The following UTP11 variants were observed in gnomAD, a reference collection of about 807,000 sequenced individuals.
The protein encoded by UTP11 is UTP11 small subunit processome component, also known as probable U3 small nucleolar RNA-associated protein 11.
Under a neutral mutation model 39.0 loss-of-function variants are expected in UTP11, and 29 were observed. The observed-to-expected ratio is 0.74, with a 90% CI of 0.55 to 1.01. The LOEUF (loss-of-function observed/expected upper bound fraction) is 1.01, where lower values mean the gene tolerates loss of function less well. Ranked by LOEUF, UTP11 falls within the 50% of genes least tolerant of loss-of-function variation. The pLI, the probability that UTP11 is intolerant of heterozygous loss-of-function variation, is 0.00. For missense variants in UTP11, 281 were observed against 306.0 expected (o/e 0.92, Z 0.61); for synonymous variants, 111 against 105.0 (o/e 1.06, Z -0.35).
At chr1:38,022,851 CCTTTT>C (rs1646746497) in intron 7 of UTP11, 42 bp downstream of exon 7, 1 of 1,356,070 alleles carries the variant, frequency 7.4e-7, no homozygotes, top group East Asian at 2.4e-5. Context: ...TTTTTTTCCC[CCTTTT>C]CTTTCTTGTA....
In UTP11 at chr1:38,019,399, G is replaced by A. The variant is rs769454669; in HGVS notation, c.567+16G>A. The A allele has an allele frequency of 6.3e-7, 1 of 1,584,200 alleles. No homozygotes were observed. The highest frequency in any genetic ancestry group is 1.7e-5 in the Admixed American group (1 of 58,146). On this transcript the variant is annotated intron_variant, in intron 6 of 7. Transcript: ENST00000373014. Reference sequence around the variant, plus strand: ...TGGACTTAAGGTAATTTTCTCTGTTGTTCTTCACATGTGAGCTTAGGGGAA... The same window carrying A: ...TGGACTTAAGGTAATTTTCTCTGTTATTCTTCACATGTGAGCTTAGGGGAA...
intron 6 of UTP11, among the ~76,000 whole-genome samples, chr1:38,020,253 C>T (rs34125280): frequency 1.3e-5 from 2 of 151,972 alleles, no homozygotes; most frequent in Non-Finnish European, 2.9e-5. Flanking sequence ...AGGTGTGTGC[C>T]ACCATGCCTA....
At chr1:38,014,022 T>C (rs1294580832) in intron 1 of UTP11, among the ~76,000 whole-genome samples, 3 of 152,238 alleles carry the variant, frequency 2.0e-5, no homozygotes, top group Non-Finnish European at 4.4e-5. Context: ...GCCAAAACTA[T>C]CACCTTTTGA....
At position 38,018,475 on chromosome 1, in the gene UTP11, T is replaced by C. The variant is rs896911676; in HGVS notation, c.240T>C (p.His80=). 1 of 1,609,956 alleles carries C rather than the reference T, an allele frequency of 6.2e-7. No homozygotes were observed. The highest frequency in any genetic ancestry group is 2.2e-5 in the East Asian group (1 of 44,832). The change falls in exon 4 of 8, where the codon CAT becomes CAC. Residue 80 remains histidine (H), a synonymous_variant. Coordinates refer to ENST00000373014, the MANE Select transcript of UTP11 (RefSeq NM_016037.4). ...AATTTGGATTTTAGGATGGAGTACA[T>C]ATTATTAAGGAGACTAAGGAAGAAG... ...MTRVKLQDGV[H]IIKETKEEVT...
At chr1:38,014,936 T>C (rs1307312220) in intron 1 of UTP11, among the ~76,000 whole-genome samples, 1 of 152,218 alleles carries the variant, frequency 6.6e-6, no homozygotes, top group African/African-American at 2.4e-5. Context: ...GAGCCTGGCC[T>C]TAAATAGTTA....
At chr1:38,015,003 C>G (rs1016531769) in intron 1 of UTP11, among the ~76,000 whole-genome samples, 1 of 151,904 alleles carries the variant, frequency 6.6e-6, no homozygotes, top group African/African-American at 2.4e-5. Context: ...AAAATCCTAC[C>G]CAAATTATTA....
At chr1:38,016,446 C>G in intron 2 of UTP11, 26 bp downstream of exon 2, 2 of 1,612,910 alleles carry the variant, frequency 1.2e-6, no homozygotes, top group Non-Finnish European at 1.7e-6. Context: ...CTGGTAGAGG[C>G]GCTGCCAAGA....
At chr1:38,016,216 G>A (rs1646706231) in intron 1 of UTP11, 143 bp from the exon 2 acceptor site, 1 of 782,242 alleles carries the variant, frequency 1.3e-6, no homozygotes, top group Admixed American at 2.2e-5. Context: ...GTGGGGAGGG[G>A]AGGGAACAGG....
In UTP11 at chr1:38,023,592, A is replaced by G; in HGVS notation, c.726A>G (p.Pro242=). 6.2e-7 allele frequency: 1 copy of G among 1,611,452 alleles called. No individual in the cohort carries two copies. The highest frequency in any genetic ancestry group is 8.5e-7 in the Non-Finnish European group (1 of 1,178,958). Reference sequence around the variant, plus strand: ...TGAAGAAAGAAACGGTGAACTCCCCAGCTATTTATAAATTTCAGAGTCGTC... The same window carrying G: ...TGAAGAAAGAAACGGTGAACTCCCCGGCTATTTATAAATTTCAGAGTCGTC... ...VKVKKETVNS[P]AIYKFQSRRK... Residue 242 remains proline (P), a synonymous_variant, in exon 8 of 8, where the codon CCA becomes CCG. Transcript: ENST00000373014.
At chr1:38,022,929 C>G in intron 7 of UTP11, 120 bp downstream of exon 7, 1 of 690,830 alleles carries the variant, frequency 1.4e-6, no homozygotes, top group East Asian at 2.7e-5. Flanking sequence ...AATGTCTGCT[C>G]CTCAGGGGCA....
rs777568707 is a variant in UTP11 at position 38,016,359 on chromosome 1, C to T, written c.64C>T (p.Pro22Ser). Residue 22 changes from proline (P) to serine (S), a missense_variant and splice_region_variant, in exon 2 of 8, where the codon CCT becomes TCT. Pro to Ser is a moderately conservative substitution (Grantham distance 74, BLOSUM62 -1). Transcript: ENST00000373014. The stretch of plus-strand genomic sequence containing the variant: ...TGTTGTTCTTTCTTTTGTCTTCTAG[C>T]CTGGCTTTCGAAAACATCTGGGCCT... ...RQREHRERSQ[P>S]GFRKHLGLLE... 6.2e-7 allele frequency: 1 copy of T among 1,614,164 alleles called. No individual in the cohort carries two copies. Among genetic ancestry groups the T allele is most frequent in the Non-Finnish European group, 8.5e-7 (1 of 1,180,012 alleles).
In UTP11 at chr1:38,019,287, A is replaced by G. The variant is rs1365376547; in HGVS notation, c.471A>G (p.Thr157=). 1 of 1,614,184 alleles carries G rather than the reference A, an allele frequency of 6.2e-7. No homozygotes were observed. The highest frequency in any genetic ancestry group is 8.5e-7 in the Non-Finnish European group (1 of 1,180,040). The stretch of plus-strand genomic sequence containing the variant: ...TTGATGTCGCAACTCACCTGCAAAC[A>G]GCCCCGGAGCTAGTCGACAGAGTCT... ...EQFDVATHLQ[T]APELVDRVFN... The change falls in exon 6 of 8, where the codon ACA becomes ACG. Residue 157 remains threonine, a synonymous_variant. Coordinates refer to ENST00000373014, the MANE Select transcript of UTP11 (RefSeq NM_016037.4).
chr1:38,022,191 C>T (rs547826079), intron 6 of UTP11, among the ~76,000 whole-genome samples: 1 of 152,110 alleles, frequency 6.6e-6, no homozygotes, highest in Non-Finnish European at 1.5e-5. Flanking sequence ...GGCACTCACA[C>T]AAAGGTTGAA....
chr1:38,017,511 G>A (rs1646712716), intron 2 of UTP11, 157 bp from the exon 3 acceptor site: 6 of 527,780 alleles, frequency 1.1e-5, no homozygotes, highest in Non-Finnish European at 2.0e-5. Flanking sequence ...CAGTGACAGT[G>A]GAGTGTCCAG....
At chr1:38,017,470 C>G in intron 2 of UTP11, 198 bp from the exon 3 acceptor site, 1 of 436,500 alleles carries the variant, frequency 2.3e-6, no homozygotes, top group South Asian at 4.6e-5. Context: ...GTTGATTAGA[C>G]TGTGGACCCT....
intron 1 of UTP11, among the ~76,000 whole-genome samples, chr1:38,015,382 C>T (rs1220894004): frequency 6.6e-6 from 1 of 152,198 alleles, no homozygotes; most frequent in Non-Finnish European, 1.5e-5. Context: ...AGATTATTCG[C>T]AACAGAAGAG....
In UTP11 at chr1:38,022,694, T is replaced by C; in HGVS notation, c.568-5T>C. On this transcript the variant is annotated splice_region_variant and splice_polypyrimidine_tract_variant and intron_variant, in intron 6 of 7. Coordinates refer to ENST00000373014, the MANE Select transcript of UTP11 (RefSeq NM_016037.4). ...TCACTGAGAATGTGTGTGTTTCTTC[T>C]CCAGCGAATAGCTAAAGAAAGGCAA... is the stretch of plus-strand genomic sequence containing the variant. 5 of 1,602,904 alleles carry C rather than the reference T, an allele frequency of 3.1e-6. No individual in the cohort carries two copies. The highest frequency in any genetic ancestry group is 4.3e-6 in the Non-Finnish European group (5 of 1,170,126).
At chr1:38,017,817 A>G (rs1290571998) in intron 3 of UTP11, 47 bp downstream of exon 3, 2 of 1,480,434 alleles carry the variant, frequency 1.4e-6, no homozygotes, top group South Asian at 2.4e-5. Flanking sequence ...CACACATTGG[A>G]AAATAAGGAC....
intron 6 of UTP11, among the ~76,000 whole-genome samples, chr1:38,021,839 G>T (rs1011204986): frequency 2.0e-5 from 3 of 151,712 alleles, no homozygotes; most frequent in Non-Finnish European, 4.4e-5. Flanking sequence ...GTTGTAGCGA[G>T]CCGAGATAGT....
Sources: allele counts gnomAD v4.1 joint callset (sites outside exome capture counted in the v4.1 genomes callset), GRCh38; gene constraint gnomAD v4.1.1; transcripts MANE v1.5; gene names NCBI Gene and HGNC (gene_info 2026-07-23, HGNC 2026-07-21).